Variants in WDSUB1 observed in about 807,000 individuals in gnomAD.
WDSUB1 encodes WD repeat, SAM and U-box domain-containing protein 1.
A neutral mutation model predicts 53.9 loss-of-function variants in WDSUB1; 49 were observed. The observed-to-expected ratio is 0.91, with a 90% confidence interval of 0.72 to 1.15. WDSUB1 has a LOEUF of 1.15. Among genes scored for constraint, WDSUB1 ranks in the 50% most tolerant of loss-of-function variants. The pLI, the probability that WDSUB1 is intolerant of heterozygous loss-of-function variation, is 0.00. For synonymous variants in WDSUB1, 194 were observed against 200.6 expected, an observed-to-expected ratio of 0.97 and a Z score of 0.28; for missense variants, 514 against 562.0, an observed-to-expected ratio of 0.91 and a Z score of 0.86.
At position 159,266,262 on chromosome 2, in the gene WDSUB1, C is replaced by G. The variant is rs569916841; in HGVS notation, c.770+5440G>C. 3.9e-5 allele frequency among the ~76,000 whole-genome samples: 6 copies of G among 152,074 alleles called. No homozygotes were observed. The East Asian group carries it at 1.2e-3, about 29-fold the overall frequency. On this transcript the variant is annotated intron_variant, in intron 5 of 10. Transcript: ENST00000359774. ...GGAGTGTGGTGGCACGATCTGGACT[C>G]ACCGCAAGCACCGCCTCCCGGGTTC...
intron 9 of WDSUB1, 130 bp downstream of exon 9, chr2:159,256,066 A>G (rs2061054961): frequency 3.8e-6 from 3 of 791,350 alleles, no homozygotes; most frequent in Admixed American, 3.6e-5. Flanking sequence ...TAGGATGGCC[A>G]TAATCAAGAA....
intron 9 of WDSUB1, 67 bp downstream of exon 9, chr2:159,256,129 A>G: frequency 2.7e-6 from 4 of 1,481,916 alleles, no homozygotes; most frequent in Non-Finnish European, 3.6e-6. Flanking sequence ...TTAATGCAAC[A>G]AAATCCAACT....
chr2:159,279,865 CAT>C lies in WDSUB1; in HGVS notation c.477_478del (p.Cys160TrpfsTer2), dbSNP rs759872242. On this transcript the variant is annotated frameshift_variant, in exon 3 of 11. Transcript: ENST00000359774. LOFTEE classifies it high-confidence loss of function. Reference sequence around the variant, plus strand: ...ATCATCCCACACTGTTAAATCACCACATGAGGAGCCAGTGACAAAGAAGCTTC... The same window carrying C: ...ATCATCCCACACTGTTAAATCACCACGAGGAGCCAGTGACAAAGAAGCTTC... 67 of 1,612,684 alleles carry C rather than the reference CAT, an allele frequency of 4.2e-5. No individual in the cohort carries two copies. The highest frequency in any genetic ancestry group is 5.3e-5 in the Non-Finnish European group (62 of 1,179,080).
Position 159,257,713 on chromosome 2 carries a change from T to G in WDSUB1, c.952+45A>C. ...CGATTTACTAACTTTCTGACCCTAA[T>G]GGTGAGTGGGGTTGAAATGAGTGAA... On this transcript the variant is annotated intron_variant, in intron 8 of 10. Transcript: ENST00000359774. The G allele has an allele frequency of 2.6e-6, 4 of 1,538,450 alleles. No individual in the cohort carries two copies. In the South Asian group the frequency reaches 4.5e-5, roughly 17 times the overall value.
At chr2:159,281,012 A>C (rs1273377807) in intron 2 of WDSUB1, among the ~76,000 whole-genome samples, 1 of 152,178 alleles carries the variant, frequency 6.6e-6, no homozygotes, top group Non-Finnish European at 1.5e-5. Flanking sequence ...CATATAAAAA[A>C]GATATTTGGC....
intron 8 of WDSUB1, among the ~76,000 whole-genome samples, chr2:159,257,304 A>T (rs977117623): frequency 6.6e-6 from 1 of 151,886 alleles, no homozygotes; most frequent in Non-Finnish European, 1.5e-5. Context: ...GCCAGGCCAA[A>T]CTATTTTTAA....
intron 10 of WDSUB1, among the ~76,000 whole-genome samples, chr2:159,247,454 G>A (rs980638737): frequency 1.6e-4 from 24 of 152,146 alleles, no homozygotes; most frequent in African/African-American, 5.5e-4. Flanking sequence ...CTATTAAGCT[G>A]GCAAAAGTAA....
intron 8 of WDSUB1, 91 bp from the exon 9 acceptor site, chr2:159,256,466 T>A: frequency 7.2e-7 from 1 of 1,388,008 alleles, no homozygotes; most frequent in Non-Finnish European, 9.8e-7. Context: ...TGAAATTTCC[T>A]TAAATCTGTG....
chr2:159,265,741 G>C (rs1157623793), intron 5 of WDSUB1, among the ~76,000 whole-genome samples: 2 of 152,160 alleles, frequency 1.3e-5, no homozygotes, highest in Non-Finnish European at 2.9e-5. Flanking sequence ...TTTAACAGCG[G>C]CTGATATATA....
intron 5 of WDSUB1, among the ~76,000 whole-genome samples, chr2:159,260,628 T>C (rs2061168941): frequency 6.6e-6 from 1 of 152,216 alleles, no homozygotes; most frequent in South Asian, 2.1e-4. Context: ...CATGATTCCT[T>C]GTAATGGTAT....
chr2:159,272,369 G>C (rs1189585363), intron 4 of WDSUB1, among the ~76,000 whole-genome samples: 1 of 152,182 alleles, frequency 6.6e-6, no homozygotes, highest in African/African-American at 2.4e-5. Context: ...TCAGGGAAGA[G>C]ACATGGGGGA....
intron 3 of WDSUB1, 22 bp from the exon 4 acceptor site, chr2:159,275,660 TACAGAG>T (rs2061525179): frequency 3.2e-6 from 5 of 1,563,788 alleles, no homozygotes; most frequent in Non-Finnish European, 4.3e-6. Context: ...TAAAAATAAA[TACAGAG>T]AATTTGTAAA....
intron 3 of WDSUB1, among the ~76,000 whole-genome samples, chr2:159,276,367 T>A (rs2061541929): frequency 6.6e-6 from 1 of 152,206 alleles, no homozygotes; most frequent in South Asian, 2.1e-4. Context: ...CCTAAAGTCA[T>A]ATCAATTTCT....
At chr2:159,282,428 G>A (rs898424955) in intron 2 of WDSUB1, among the ~76,000 whole-genome samples, 1 of 152,042 alleles carries the variant, frequency 6.6e-6, no homozygotes, top group African/African-American at 2.4e-5. Context: ...TCCTGACCTC[G>A]TGATCCGCCT....
At chr2:159,262,439 T>C (rs1275888222) in intron 5 of WDSUB1, among the ~76,000 whole-genome samples, 1 of 152,008 alleles carries the variant, frequency 6.6e-6, no homozygotes, top group Admixed American at 6.6e-5. Flanking sequence ...TAAGTTCACT[T>C]GCTGATGAGG....
At chr2:159,246,351 G>A (rs2060795453) in intron 10 of WDSUB1, among the ~76,000 whole-genome samples, 1 of 147,826 alleles carries the variant, frequency 6.8e-6, no homozygotes, top group Non-Finnish European at 1.5e-5. Flanking sequence ...AGAACGGTGT[G>A]AACCCGAGAG....
intron 4 of WDSUB1, among the ~76,000 whole-genome samples, chr2:159,273,758 T>C (rs1366288714): frequency 2.6e-5 from 4 of 152,240 alleles, no homozygotes; most frequent in African/African-American, 7.2e-5. Context: ...TAAACTGTCA[T>C]GTATGTTTTT....
Position 159,242,595 on chromosome 2 carries a change from C to T in WDSUB1, c.1273+5777G>A, listed in dbSNP as rs2060685045. Among the ~76,000 whole-genome samples the T allele has an allele frequency of 2.0e-5, 3 of 147,700 alleles. 1 individual carries two copies. Among genetic ancestry groups the T allele is most frequent in the Non-Finnish European group, 4.4e-5 (3 of 67,952 alleles). ...GCTTGAACTGAGGAGGCAGAGGTTG[C>T]AGTGAGCCAAGATTGTGCCATTGCA... On this transcript the variant is annotated intron_variant, in intron 10 of 10. Transcript: ENST00000359774.
At chr2:159,278,597 T>C (rs1422968802) in intron 3 of WDSUB1, among the ~76,000 whole-genome samples, 1 of 152,228 alleles carries the variant, frequency 6.6e-6, no homozygotes, top group African/African-American at 2.4e-5. Context: ...GAGAGACTTA[T>C]CTTTAGTGAT....
Sources: gnomAD v4.1 joint callset for allele counts (sites outside exome capture counted in the v4.1 genomes callset) on GRCh38, gnomAD v4.1.1 for gene constraint, MANE v1.5 for transcripts, NCBI Gene and HGNC (gene_info 2026-07-23, HGNC 2026-07-21) for gene names.